Variants in ADAP1 observed in about 807,000 individuals in gnomAD.
The protein encoded by ADAP1 is ArfGAP with dual PH domains 1, also known as arf-GAP with dual PH domain-containing protein 1.
In ADAP1, 31 loss-of-function variants were observed where a neutral mutation model predicts 54.9. That is an observed-to-expected ratio of 0.56 (90% CI 0.42 to 0.76). ADAP1 has a LOEUF of 0.76. Ranked by LOEUF, ADAP1 falls within the 30% of genes least tolerant of loss-of-function variation. The pLI, the probability that ADAP1 is intolerant of heterozygous loss-of-function variation, is 0.00. For missense variants in ADAP1, 535 were observed against 512.4 expected (o/e 1.04, Z -0.42); for synonymous variants, 313 against 202.6 (o/e 1.55, Z -4.63).
At chr7:937,094 G>T (rs1166548560) in intron 1 of ADAP1, among the ~76,000 whole-genome samples, 2 of 115,170 alleles carry the variant, frequency 1.7e-5, no homozygotes, top group East Asian at 5.2e-4. Flanking sequence ...TGGGGGTCAC[G>T]CCGGGCCTCG....
chr7:905,807 GA>G (rs1200052149), intron 4 of ADAP1, among the ~76,000 whole-genome samples: 1 of 78,516 alleles, frequency 1.3e-5, no homozygotes. Flanking sequence ...GGAGAAAGGA[GA>G]AAGGAGAAGG....
In ADAP1 at chr7:938,122, G is replaced by T. The variant is rs971652922; in HGVS notation, c.83-2617C>A. Reference sequence around the variant, plus strand: ...TAGGGCGGCTTTTGGGAGAAAGAATGCGGTTACAGGATCAGCCGTTGTTTG... The same window carrying T: ...TAGGGCGGCTTTTGGGAGAAAGAATTCGGTTACAGGATCAGCCGTTGTTTG... On this transcript the variant is annotated intron_variant, in intron 1 of 10. Transcript: ENST00000265846. The surrounding 1 kb of genome is among the most constrained non-coding windows in gnomAD (Gnocchi z 4.4). 6.6e-6 allele frequency among the ~76,000 whole-genome samples: 1 copy of T among 152,184 alleles called. No individual in the cohort carries two copies. Among genetic ancestry groups the T allele is most frequent in the African/African-American group, 2.4e-5 (1 of 41,434 alleles).
rs1005288524 is a variant in ADAP1, at chr7:898,370, G to C, written c.*551C>G. 5.7e-6 allele frequency: 1 copy of C among 175,240 alleles called. No individual in the cohort carries two copies. The highest frequency in any genetic ancestry group is 2.4e-5 in the African/African-American group (1 of 41,816). 10.9% of individuals were successfully genotyped at this position (175,240 alleles called of 1,614,324 possible). On this transcript the variant is annotated 3_prime_UTR_variant, in exon 11 of 11. Transcript: ENST00000265846. ...AGGAGCACAGGCTGTGGCAACTCCA[G>C]CCCGGGCAGGGGCCGGGACCTGTGT... is the stretch of plus-strand genomic sequence containing the variant.
rs61995731 is a variant in ADAP1 at position 899,208 on chromosome 7, C to G, written c.921G>C (p.Thr307=). Reference sequence around the variant, plus strand: ...TGGACGGCGGGAACCCATGCAGCACCGTGTAGCCACTCTCCTTGCTGCCAA... The same window carrying G: ...TGGACGGCGGGAACCCATGCAGCACGGTGTAGCCACTCTCCTTGCTGCCAA... ...VFIGSKESGY[T]VLHGFPPSTQ... is the part of the protein sequence containing the mutation. Residue 307 remains threonine, a synonymous_variant, in exon 10 of 11, where the codon ACG becomes ACC. Transcript: ENST00000265846. The G allele has an allele frequency of 1.2e-6, 2 of 1,612,540 alleles. No homozygotes were observed. The highest frequency in any genetic ancestry group is 2.7e-5 in the African/African-American group (2 of 74,918).
chr7:952,156 C>T (rs1028600160), intron 1 of ADAP1, among the ~76,000 whole-genome samples: 2 of 152,102 alleles, frequency 1.3e-5, no homozygotes, highest in African/African-American at 4.8e-5. Flanking sequence ...GGGCGAGGCC[C>T]CCTGTTCAAG....
In ADAP1 at chr7:954,645, C is replaced by T; in HGVS notation, c.-168G>A. The T allele has an allele frequency of 2.0e-6, 2 of 983,060 alleles. No individual in the cohort carries two copies. Among genetic ancestry groups the T allele is most frequent in the Non-Finnish European group, 2.4e-6 (2 of 829,488 alleles). The allele number at this position is 983,060 out of a possible 1,614,324, so 60.9% of individuals were successfully genotyped here. The stretch of plus-strand genomic sequence containing the variant: ...CCCGCCGCCCTCTGGGCTCCGCCGC[C>T]GCCGCTCGTGTCTCCGCCGCGGTCG... On this transcript the variant is annotated 5_prime_UTR_variant, in exon 1 of 11. Coordinates refer to ENST00000265846, the MANE Select transcript of ADAP1 (RefSeq NM_006869.4).
rs1160117782 is a variant in ADAP1 at position 948,888 on chromosome 7, G to A, written c.82+5508C>T. Among the ~76,000 whole-genome samples the A allele has an allele frequency of 3.3e-5, 5 of 152,268 alleles. No homozygotes were observed. The East Asian group carries it at 7.7e-4, about 24-fold the overall frequency. On this transcript the variant is annotated intron_variant, in intron 1 of 10. Coordinates refer to ENST00000265846, the MANE Select transcript of ADAP1 (RefSeq NM_006869.4). Reference sequence around the variant, plus strand: ...ATTTTTGTATTTTTAGTAGAGATGGGGTTTCACCATGTTGGCCAGGATGGT... The same window carrying A: ...ATTTTTGTATTTTTAGTAGAGATGGAGTTTCACCATGTTGGCCAGGATGGT...
rs1467281280 is a variant in ADAP1 at position 945,835 on chromosome 7, A to C, written c.82+8561T>G. ...CTGGTCTGGGGCACCTGGGCAGGTG[A>C]GCCACATTCTTGGGCGGAGCCAGGT... On this transcript the variant is annotated intron_variant, in intron 1 of 10. Transcript: ENST00000265846. This position sits in a 1 kb window ranked among gnomAD's most constrained non-coding sequence, Gnocchi z 4.2. The C allele has an allele frequency of 1.0e-6, 1 of 985,618 alleles. No individual in the cohort carries two copies. Among genetic ancestry groups the C allele is most frequent in the Non-Finnish European group, 1.2e-6 (1 of 830,054 alleles). The allele number at this position is 985,618 out of a possible 1,614,324, so 61.1% of individuals were successfully genotyped here.
chr7:911,896 A>T (rs1239474766), intron 4 of ADAP1, among the ~76,000 whole-genome samples: 1 of 151,658 alleles, frequency 6.6e-6, no homozygotes, highest in Non-Finnish European at 1.5e-5. Context: ...GGCCCCAAAC[A>T]CCCGTCCCCC....
In ADAP1 at chr7:926,573, C is replaced by A; in HGVS notation, c.285G>T (p.Arg95=). 6.5e-7 allele frequency: 1 copy of A among 1,540,280 alleles called. No individual in the cohort carries two copies. Among genetic ancestry groups the A allele is most frequent in the Non-Finnish European group, 8.7e-7 (1 of 1,143,604 alleles). The stretch of plus-strand genomic sequence containing the variant: ...CTCACTGGCAGTCGGAGGGCGTGGG[C>A]CGGTAGTAGAAGGAGGGTACTTTGG... ...FESKVPSFYY[R]PTPSDCQLLR... is the part of the protein sequence containing the mutation. The change falls in exon 3 of 11, where the codon CGG becomes CGT. Residue 95 remains arginine, a synonymous_variant. Transcript: ENST00000265846. This position sits in a 1 kb window ranked among gnomAD's most constrained non-coding sequence, Gnocchi z 4.6.
At chr7:949,127 A>G (rs1173982411) in intron 1 of ADAP1, among the ~76,000 whole-genome samples, 1 of 152,236 alleles carries the variant, frequency 6.6e-6, no homozygotes, top group African/African-American at 2.4e-5. Context: ...GGTCTCCCTG[A>G]GCCCCAGTGA....
chr7:935,653 C>G, intron 1 of ADAP1, 148 bp from the exon 2 acceptor site: 1 of 1,029,142 alleles, frequency 9.7e-7, no homozygotes, highest in Non-Finnish European at 1.4e-6. Flanking sequence ...GTGCGCCCCA[C>G]AGGCACCTAA....
At chr7:908,610 G>T (rs1012090661) in intron 4 of ADAP1, among the ~76,000 whole-genome samples, 1 of 152,228 alleles carries the variant, frequency 6.6e-6, no homozygotes, top group African/African-American at 2.4e-5. Flanking sequence ...TGCTCAGAAC[G>T]CCTGTTGACT....
chr7:905,299 A>ACACGGACAGGGGGAGACGGACG (rs1562911228), intron 4 of ADAP1, 127 bp from the exon 5 acceptor site: 1 of 172,156 alleles, frequency 5.8e-6, no homozygotes, highest in Admixed American at 7.9e-5. Context: ...GGACACGGAC[A>ACACGGACAGGGGGAGACGGACG]GGGGGAGACG....
Position 898,672 on chromosome 7 carries a change from C to G in ADAP1, c.*249G>C. 1 of 571,498 alleles carries G rather than the reference C, an allele frequency of 1.7e-6. No individual in the cohort carries two copies. Among genetic ancestry groups the G allele is most frequent in the Middle Eastern group, 4.8e-4 (1 of 2,084 alleles). The allele number at this position is 571,498 out of a possible 1,614,324, so 35.4% of individuals were successfully genotyped here. On this transcript the variant is annotated 3_prime_UTR_variant, in exon 11 of 11. Transcript: ENST00000265846. Reference sequence around the variant, plus strand: ...AAGGGGGCCCCGGGTCAGGGAGGGGCAGGTTGGCTGGGTGTGGTCAGCAGC... The same window carrying G: ...AAGGGGGCCCCGGGTCAGGGAGGGGGAGGTTGGCTGGGTGTGGTCAGCAGC...
rs142430601 is a variant in ADAP1 at position 907,452 on chromosome 7, G to C, written c.389-2280C>G. On this transcript the variant is annotated intron_variant, in intron 4 of 10. Coordinates refer to ENST00000265846, the MANE Select transcript of ADAP1 (RefSeq NM_006869.4). ...CCAGCTCTGCCCACTCCGAGTCTCG[G>C]GCCCGTGGGATCGTCCTGGAGCTCT... 8.3e-3 allele frequency among the ~76,000 whole-genome samples: 1,263 copies of C among 152,260 alleles called. 12 individuals are homozygous for C. The highest frequency in any genetic ancestry group is 0.024 in the Middle Eastern group (7 of 294).
intron 1 of ADAP1, among the ~76,000 whole-genome samples, chr7:943,237 G>A (rs1204258099): frequency 1.2e-4 from 4 of 32,338 alleles, no homozygotes; most frequent in South Asian, 3.0e-3. Flanking sequence ...GAGGAGGAAG[G>A]GAGAGAGGAG....
rs1244861488 is a variant in ADAP1 at position 927,270 on chromosome 7, G to A, written c.214-626C>T. 37 of 1,234,724 alleles carry A rather than the reference G, an allele frequency of 3.0e-5. No homozygotes were observed. The Admixed American group carries it at 7.5e-4, about 25-fold the overall frequency. The allele number at this position is 1,234,724 out of a possible 1,614,324, so 76.5% of individuals were successfully genotyped here. A position where few individuals can be genotyped will look rare whatever the true frequency, so the allele number is the denominator to read the frequency against. On this transcript the variant is annotated intron_variant, in intron 2 of 10. Coordinates refer to ENST00000265846, the MANE Select transcript of ADAP1 (RefSeq NM_006869.4). Reference sequence around the variant, plus strand: ...AGGAGGCTGTCGTTCCAGGAGGCTCGTGCTCCAGGAGGCTGTCACGCACAC... The same window carrying A: ...AGGAGGCTGTCGTTCCAGGAGGCTCATGCTCCAGGAGGCTGTCACGCACAC...
At chr7:925,443 CTCCCTCT>C (rs1409374172) in intron 3 of ADAP1, among the ~76,000 whole-genome samples, 1 of 152,098 alleles carries the variant, frequency 6.6e-6, no homozygotes, top group Non-Finnish European at 1.5e-5. Context: ...CCTCTCCCTC[CTCCCTCT>C]TCCCTCCGGC....
Sources: gnomAD v4.1 joint callset for allele counts (sites outside exome capture counted in the v4.1 genomes callset) on GRCh38, gnomAD v4.1.1 for gene constraint, Gnocchi (gnomAD v3.1) non-coding constraint, MANE v1.5 for transcripts, NCBI Gene and HGNC (gene_info 2026-07-23, HGNC 2026-07-21) for gene names.